The following ICE2 variants were observed in gnomAD, a reference collection of about 807,000 sequenced individuals.
The protein encoded by ICE2 is little elongation complex subunit 2.
A neutral mutation model predicts 105.4 loss-of-function variants in ICE2; 87 were observed. The ratio of observed to expected loss-of-function variants is 0.83; its 90% CI spans 0.69 to 0.99. ICE2 has a LOEUF of 0.99. Among genes scored for constraint, ICE2 ranks in the 50% least tolerant of loss-of-function variants. ICE2 has a pLI of 0.00. For synonymous variants in ICE2, 399 were observed against 392.0 expected, an observed-to-expected ratio of 1.02 and a Z score of -0.21; for missense variants, 1,323 against 1,146.7, an observed-to-expected ratio of 1.15 and a Z score of -2.22.
At chr15:60,465,028 C>G (rs1310664334) in intron 5 of ICE2, among the ~76,000 whole-genome samples, 1 of 152,132 alleles carries the variant, frequency 6.6e-6, no homozygotes, top group African/African-American at 2.4e-5. Context: ...TTAAAAGGCA[C>G]TATCAAAACA....
chr15:60,478,301 A>AT (rs899239362), intron 1 of ICE2, among the ~76,000 whole-genome samples: 3 of 152,222 alleles, frequency 2.0e-5, no homozygotes, highest in African/African-American at 7.2e-5. Context: ...CACTATGGAA[A>AT]TAAGAGCTGA....
chr15:60,456,874 T>C (rs72746688), intron 5 of ICE2, 80 bp from the exon 6 acceptor site: 23,704 of 785,498 alleles, frequency 0.03, 489 homozygotes, highest in Non-Finnish European at 0.038. Context: ...CATGTGACTA[T>C]GTAATTATTC....
chr15:60,445,589 T>G (rs1236413597), intron 11 of ICE2: 2 of 960,354 alleles, frequency 2.1e-6, no homozygotes, highest in Non-Finnish European at 2.5e-6. Flanking sequence ...CTTTAGGGTG[T>G]GACTATTTTG....
At position 60,444,810 on chromosome 15, in the gene ICE2, G is replaced by A. The variant is rs117805680; in HGVS notation, c.2296-2265C>T. Among the ~76,000 whole-genome samples the A allele has an allele frequency of 9.6e-3, 1,462 of 152,022 alleles. 9 individuals are homozygous for A. The highest frequency in any genetic ancestry group is 0.017 in the South Asian group (83 of 4,812). On this transcript the variant is annotated intron_variant, in intron 11 of 15. Coordinates refer to ENST00000261520, the MANE Select transcript of ICE2 (RefSeq NM_024611.6). ...AGCGATTCTCCTGCCTCAGCCTCCC[G>A]AGCAGCCAGGTTTATATGTGCACCA... is the stretch of plus-strand genomic sequence containing the variant.
intron 11 of ICE2, among the ~76,000 whole-genome samples, chr15:60,446,655 A>C (rs1030701658): frequency 7.2e-5 from 11 of 152,116 alleles, no homozygotes; most frequent in Admixed American, 7.2e-4. Flanking sequence ...TCGGCCTCCC[A>C]AAGTGCTGGG....
At chr15:60,462,823 T>C (rs2064316759) in intron 5 of ICE2, among the ~76,000 whole-genome samples, 1 of 152,156 alleles carries the variant, frequency 6.6e-6, no homozygotes, top group South Asian at 2.1e-4. Context: ...TAAATTGATA[T>C]AACCTGGTAT....
intron 9 of ICE2, chr15:60,451,546 TAA>T: frequency 1.0e-6 from 1 of 981,320 alleles, no homozygotes; most frequent in Non-Finnish European, 1.2e-6. Context: ...TAAATTAGAC[TAA>T]TAGACATTAA....
At position 60,456,582 on chromosome 15, in the gene ICE2, TATAC is replaced by T. The variant is rs1276157861; in HGVS notation, c.666+71_666+74del. 1,116 of 129,320 alleles carry T rather than the reference TATAC, an allele frequency of 8.6e-3. 74 individuals carry two copies. The highest frequency in any genetic ancestry group is 0.039 in the African/African-American group (1,063 of 27,290). The allele number at this position is 129,320 out of a possible 1,614,324, so 8.0% of individuals were successfully genotyped here. On this transcript the variant is annotated intron_variant, in intron 6 of 15. Transcript: ENST00000261520. ...AAATAAATAAATATATATATATATA[TATAC>T]ACACACACACACACACACACACACT...
In ICE2 at chr15:60,466,730, T is replaced by C. The variant is rs74858095; in HGVS notation, c.409-17A>G. On this transcript the variant is annotated splice_polypyrimidine_tract_variant and intron_variant, in intron 4 of 15. Coordinates refer to ENST00000261520, the MANE Select transcript of ICE2 (RefSeq NM_024611.6). The stretch of plus-strand genomic sequence containing the variant: ...TTTCATATCCTGATTTTTAAAAAAG[T>C]AGACATGTCTTGGGATAAAAAGTTT... 9,755 of 1,580,658 alleles carry C rather than the reference T, an allele frequency of 6.2e-3. 319 individuals carry two copies. The African/African-American group carries it at 0.087, about 14-fold the overall frequency.
At position 60,453,725 on chromosome 15, in the gene ICE2, T is replaced by C; in HGVS notation, c.1003A>G (p.Met335Val). The part of the protein sequence containing the change: ...NSPLPQKKMT[M>V]RERNQIFHEV... Reference sequence around the variant, plus strand: ...TGAAAGATTTGATTTCTCTCTCTCATAGTCATTTTCTTTTGGGGAAGTGGT... The same window carrying C: ...TGAAAGATTTGATTTCTCTCTCTCACAGTCATTTTCTTTTGGGGAAGTGGT... Residue 335 changes from methionine to valine, a missense_variant, in exon 9 of 16, where the codon ATG (methionine) becomes GTG (valine). Physicochemically the swap from Met to Val is conservative, Grantham distance 21 (BLOSUM62 1). Coordinates refer to ENST00000261520, the MANE Select transcript of ICE2 (RefSeq NM_024611.6). 1.2e-6 allele frequency: 2 copies of C among 1,606,266 alleles called. No individual in the cohort carries two copies.
rs902520020 is a variant in ICE2 at position 60,461,634 on chromosome 15, GTATTAA to G, written c.529-4846_529-4841del. ...TTTTCAGTAATCGTATTGATCACTA[GTATTAA>G]TATTGTTATTTTGAGGCTGTTGTGA... On this transcript the variant is annotated intron_variant, in intron 5 of 15. Coordinates refer to ENST00000261520, the MANE Select transcript of ICE2 (RefSeq NM_024611.6). Among the ~76,000 whole-genome samples the G allele has an allele frequency of 4.1e-4, 63 of 152,270 alleles. 1 individual carries two copies. The highest frequency in any genetic ancestry group is 1.5e-3 in the African/African-American group (62 of 41,546).
chr15:60,453,739 T>C lies in ICE2; in HGVS notation c.989A>G (p.Gln330Arg). The C allele has an allele frequency of 6.2e-7, 1 of 1,600,810 alleles. No individual in the cohort carries two copies. Among genetic ancestry groups the C allele is most frequent in the Non-Finnish European group, 8.6e-7 (1 of 1,167,996 alleles). Residue 330 changes from glutamine (Q) to arginine (R), a missense_variant, in exon 9 of 16, where the codon CAA (glutamine) becomes CGA (arginine). Transcript: ENST00000261520. ...KVIYINSPLP[Q>R]KKMTMRERNQ... The stretch of plus-strand genomic sequence containing the variant: ...TCTCTCTCTCATAGTCATTTTCTTT[T>C]GGGGAAGTGGTGAATTAATATATAT...
chr15:60,449,842 C>G lies in ICE2; in HGVS notation c.1126-1G>C, dbSNP rs1299745011. On this transcript the variant is annotated splice_acceptor_variant, in intron 9 of 15. Coordinates refer to ENST00000261520, the MANE Select transcript of ICE2 (RefSeq NM_024611.6). LOFTEE classifies it high-confidence loss of function. ...GGCACTCGTTGACTTCACAGGACAT[C>G]TTATGTAAATAAATTGGTAAAGTAT... 3 of 1,602,554 alleles carry G rather than the reference C, an allele frequency of 1.9e-6. No homozygotes were observed. The highest frequency in any genetic ancestry group is 2.6e-6 in the Non-Finnish European group (3 of 1,175,302).
chr15:60,467,733 T>C (rs1042371733), intron 4 of ICE2, among the ~76,000 whole-genome samples: 4 of 152,250 alleles, frequency 2.6e-5, no homozygotes, highest in African/African-American at 9.6e-5. Flanking sequence ...TACAAAGATG[T>C]TCAGCATAGC....
chr15:60,454,865 C>A lies in ICE2; in HGVS notation c.943+138G>T, dbSNP rs2064059160. 7.2e-6 allele frequency: 5 copies of A among 692,236 alleles called. No individual in the cohort carries two copies. The East Asian group carries it at 1.5e-4, about 21-fold the overall frequency. The allele number at this position is 692,236 out of a possible 1,614,324, so 42.9% of individuals were successfully genotyped here. On this transcript the variant is annotated intron_variant, in intron 8 of 15. Transcript: ENST00000261520. Reference sequence around the variant, plus strand: ...TGCTCTCTCTCACCTTGCCCCCCACCCCCTGACAGGCCCCGGTGTGTGTTG... The same window carrying A: ...TGCTCTCTCTCACCTTGCCCCCCACACCCTGACAGGCCCCGGTGTGTGTTG...
chr15:60,436,178 G>C lies in ICE2; in HGVS notation c.2475C>G (p.Thr825=). Reference sequence around the variant, plus strand: ...AAAGCTTTTCTTTTAATTCTTCTGAGGTAATTTCTTCCAGTAGAAAAAGTT... The same window carrying C: ...AAAGCTTTTCTTTTAATTCTTCTGACGTAATTTCTTCCAGTAGAAAAAGTT... ...TSKLFLLEEI[T]SEELKEKLSA... is the part of the protein sequence containing the mutation. Residue 825 remains threonine (T), a synonymous_variant, in exon 13 of 16, where the codon ACC becomes ACG. Transcript: ENST00000261520. 2 of 1,466,746 alleles carry C rather than the reference G, an allele frequency of 1.4e-6. No individual in the cohort carries two copies. The highest frequency in any genetic ancestry group is 9.2e-7 in the Non-Finnish European group (1 of 1,091,676). The allele number at this position is 1,466,746 out of a possible 1,614,324, so 90.9% of individuals were successfully genotyped here.
intron 11 of ICE2, chr15:60,442,782 G>A: frequency 3.2e-6 from 1 of 308,190 alleles, no homozygotes; most frequent in South Asian, 8.4e-5. Flanking sequence ...TCCCATTTGT[G>A]ACCAAAATCA....
chr15:60,449,900 T>G, intron 9 of ICE2, 59 bp from the exon 10 acceptor site: 11 of 1,200,624 alleles, frequency 9.2e-6, no homozygotes, highest in Non-Finnish European at 1.2e-5. Flanking sequence ...TACCTATCTC[T>G]TAATGTCCCT....
In ICE2 at chr15:60,449,518, AT is replaced by A. The variant is rs766981301; in HGVS notation, c.1448del (p.Asn483IlefsTer20). 1 of 1,614,016 alleles carries A rather than the reference AT, an allele frequency of 6.2e-7. No individual in the cohort carries two copies. Among genetic ancestry groups the A allele is most frequent in the South Asian group, 1.1e-5 (1 of 91,064 alleles). ...ATGATTCAAATCCCTGATCATCTTTATTTTTGCATTCCTCAGGGCCACCATC... is the reference window on the plus strand; with the variant it reads ...ATGATTCAAATCCCTGATCATCTTTATTTTGCATTCCTCAGGGCCACCATC... ...GMDGGPEECK[N>X]KDDQGFESCE... is the part of the protein sequence containing the mutation. On this transcript the variant is annotated frameshift_variant, in exon 10 of 16. Transcript: ENST00000261520. LOFTEE classifies it high-confidence loss of function.
Sources: allele counts gnomAD v4.1 joint callset (sites outside exome capture counted in the v4.1 genomes callset), GRCh38; gene constraint gnomAD v4.1.1; transcripts MANE v1.5; gene names NCBI Gene and HGNC (gene_info 2026-07-23, HGNC 2026-07-21).